DENND1A: variants seen among roughly 807,000 people sequenced by gnomAD.
DENND1A encodes DENN domain-containing protein 1A.
A neutral mutation model predicts 113.7 loss-of-function variants in DENND1A; 51 were observed. That is an observed-to-expected ratio of 0.45 (90% CI 0.36 to 0.57). The LOEUF is 0.57. DENND1A is among the 20% of genes least tolerant of loss of function. DENND1A has a pLI of 0.00. For missense variants in DENND1A, 1,258 were observed against 1,395.9 expected (o/e 0.90, Z 1.57); for synonymous variants, 565 against 570.8 (o/e 0.99, Z 0.14).
chr9:123,761,385 G>A (rs1181572367), intron 4 of DENND1A, among the ~76,000 whole-genome samples: 4 of 152,288 alleles, frequency 2.6e-5, no homozygotes, highest in East Asian at 1.9e-4. Flanking sequence ...AAAGAGGGAC[G>A]CAAGCTGTTG....
chr9:123,532,905 A>T (rs1339476695), intron 13 of DENND1A, among the ~76,000 whole-genome samples: 1 of 152,236 alleles, frequency 6.6e-6, no homozygotes, highest in African/African-American at 2.4e-5. Flanking sequence ...GCTGCAGGCC[A>T]GAGCTCAGCA....
In DENND1A at chr9:123,450,724, A is replaced by T; in HGVS notation, c.1325T>A (p.Ile442Lys). 1 of 1,611,374 alleles carries T rather than the reference A, an allele frequency of 6.2e-7. No individual in the cohort carries two copies. The highest frequency in any genetic ancestry group is 8.5e-7 in the Non-Finnish European group (1 of 1,179,348). Residue 442 changes from isoleucine (I) to lysine (K), a missense_variant, in exon 18 of 24, where the codon ATA becomes AAA. By Grantham distance (102) the Ile-to-Lys change is moderately radical (BLOSUM62 -3). This residue lies in a region of DENND1A where 1,159 missense variants were observed against 1,231.7 expected (regional missense o/e 0.94). Coordinates refer to ENST00000394215, the MANE Select transcript of DENND1A (RefSeq NM_001352964.2). Reference sequence around the variant, plus strand: ...CTTCAAGCGGTTTTTCACCTCTTTTATTCCCATTTTTGCATGATCTTTTGC... The same window carrying T: ...CTTCAAGCGGTTTTTCACCTCTTTTTTTCCCATTTTTGCATGATCTTTTGC... ...KFAKDHAKMG[I>K]KEVKNRLKQK...
chr9:123,477,428 T>C (rs947324170), intron 13 of DENND1A, among the ~76,000 whole-genome samples: 3 of 151,208 alleles, frequency 2.0e-5, no homozygotes, highest in Non-Finnish European at 4.4e-5. Flanking sequence ...TGTGATAGCA[T>C]GCCCCTGTAG....
intron 1 of DENND1A, among the ~76,000 whole-genome samples, chr9:123,910,747 C>A (rs1270625819): frequency 6.6e-6 from 1 of 152,164 alleles, no homozygotes; most frequent in African/African-American, 2.4e-5. Context: ...CAAGACCAGG[C>A]TGGACAACAT....
intron 1 of DENND1A, among the ~76,000 whole-genome samples, chr9:123,914,200 C>T (rs117422712): frequency 0.02 from 3,054 of 152,006 alleles, 59 homozygotes; most frequent in Non-Finnish European, 0.03. Context: ...TTGAAGGGCA[C>T]CTGTGTTGGT....
intron 5 of DENND1A, among the ~76,000 whole-genome samples, chr9:123,735,789 A>G (rs538057438): frequency 6.6e-6 from 1 of 152,350 alleles, no homozygotes; most frequent in Non-Finnish European, 1.5e-5. Flanking sequence ...ACTTGAAGTC[A>G]GGAGTTCAAG....
intron 1 of DENND1A, among the ~76,000 whole-genome samples, chr9:123,879,553 TACACAC>T (rs138124573): frequency 2.7e-5 from 4 of 149,996 alleles, no homozygotes; most frequent in East Asian, 2.0e-4. Flanking sequence ...AATAAAATTA[TACACAC>T]ACACACACAC....
At chr9:123,747,114 TA>T (rs565718681) in intron 5 of DENND1A, among the ~76,000 whole-genome samples, 6 of 148,618 alleles carry the variant, frequency 4.0e-5, no homozygotes, top group Admixed American at 6.7e-5. Flanking sequence ...AAACTTAAAA[TA>T]AAAAAAAAAT....
At chr9:123,824,142 A>G (rs1319382456) in intron 2 of DENND1A, among the ~76,000 whole-genome samples, 2 of 152,186 alleles carry the variant, frequency 1.3e-5, no homozygotes, top group African/African-American at 4.8e-5. Flanking sequence ...GAACATCTAC[A>G]ATGTGCTAGG....
intron 1 of DENND1A, among the ~76,000 whole-genome samples, chr9:123,881,923 T>C (rs558176912): frequency 1.3e-5 from 2 of 152,316 alleles, no homozygotes; most frequent in East Asian, 3.9e-4. Context: ...GGCCTGTCAA[T>C]AGCATTTGAT....
chr9:123,903,676 C>A (rs532179112), intron 1 of DENND1A, among the ~76,000 whole-genome samples: 1 of 152,178 alleles, frequency 6.6e-6, no homozygotes, highest in Non-Finnish European at 1.5e-5. Flanking sequence ...GCTTAAAAAA[C>A]GGCGCACCAC....
At position 123,710,673 on chromosome 9, in the gene DENND1A, GT is replaced by G. The variant is rs11392793; in HGVS notation, c.303-33885del. ...TATAATTTAATGAAAAATCTTGGAG[GT>G]TTTTTTTTTTTTTTTGAGACAGAGG... is the stretch of plus-strand genomic sequence containing the variant. On this transcript the variant is annotated intron_variant, in intron 5 of 23. Coordinates refer to ENST00000394215, the MANE Select transcript of DENND1A (RefSeq NM_001352964.2). Among the ~76,000 whole-genome samples, 822 of 138,900 alleles carry G rather than the reference GT, an allele frequency of 5.9e-3. 3 individuals carry two copies. The highest frequency in any genetic ancestry group is 0.015 in the Middle Eastern group (4 of 272). The allele number at this position is 138,900 out of a possible 152,430, so 91.1% of individuals were successfully genotyped here. A position where few individuals can be genotyped will look rare whatever the true frequency, so the allele number is the denominator to read the frequency against.
chr9:123,673,727 T>C (rs55748676), intron 6 of DENND1A, among the ~76,000 whole-genome samples: 3,387 of 152,364 alleles, frequency 0.022, 70 homozygotes, highest in Non-Finnish European at 0.034. Flanking sequence ...TCTTCCCATA[T>C]TGAAAACCAT....
chr9:123,736,911 TCTG>T (rs1461085603), intron 5 of DENND1A, among the ~76,000 whole-genome samples: 1 of 152,192 alleles, frequency 6.6e-6, no homozygotes, highest in Admixed American at 6.5e-5. Context: ...TACTCATCTT[TCTG>T]CTATCCTACA....
chr9:123,628,970 C>A (rs974892698), intron 10 of DENND1A, among the ~76,000 whole-genome samples: 3 of 152,278 alleles, frequency 2.0e-5, no homozygotes, highest in African/African-American at 7.2e-5. Context: ...GAGAGAGGGC[C>A]ACTGATTTTC....
chr9:123,902,758 A>G (rs1346601543), intron 1 of DENND1A, among the ~76,000 whole-genome samples: 1 of 151,982 alleles, frequency 6.6e-6, no homozygotes, highest in East Asian at 1.9e-4. Context: ...ATAAAACAGG[A>G]ACAAAAAGCT....
chr9:123,736,551 A>G (rs546622286), intron 5 of DENND1A: 2 of 152,212 alleles, frequency 1.3e-5, no homozygotes, highest in African/African-American at 2.4e-5. Flanking sequence ...AAAAGTGATG[A>G]CAATGCTGAT....
intron 2 of DENND1A, among the ~76,000 whole-genome samples, chr9:123,807,219 T>C (rs1453301150): frequency 6.6e-6 from 1 of 152,236 alleles, no homozygotes; most frequent in South Asian, 2.1e-4. Flanking sequence ...TTTTTGGCCT[T>C]ATATTCTGAA....
chr9:123,410,896 C>G (rs1489320672), intron 20 of DENND1A, among the ~76,000 whole-genome samples: 1 of 151,514 alleles, frequency 6.6e-6, no homozygotes, highest in African/African-American at 2.4e-5. Context: ...TTCCCACTTT[C>G]AAAGCACCTG....
Sources: gnomAD v4.1 joint callset for allele counts (sites outside exome capture counted in the v4.1 genomes callset) on GRCh38, gnomAD v4.1.1 for gene constraint, gnomAD v4.1.1 regional missense constraint, MANE v1.5 for transcripts, NCBI Gene and HGNC (gene_info 2026-07-23, HGNC 2026-07-21) for gene names.